ADCY8: variants seen among roughly 807,000 people sequenced by gnomAD.
ADCY8 encodes adenylate cyclase type 8.
In ADCY8, 51 loss-of-function variants were observed where a neutral mutation model predicts 119.7. The ratio of observed to expected loss-of-function variants is 0.43; its 90% CI spans 0.34 to 0.54. The LOEUF is 0.54. Ranked by LOEUF, ADCY8 falls within the 20% of genes least tolerant of loss-of-function variation. The pLI, the probability that ADCY8 is intolerant of heterozygous loss-of-function variation, is 0.03. For missense variants in ADCY8, 1,383 were observed against 1,598.8 expected, an observed-to-expected ratio of 0.87 and a Z score of 2.30; for synonymous variants, 665 against 651.0, an observed-to-expected ratio of 1.02 and a Z score of -0.33.
At chr8:130,852,864 C>T (rs778392337) in intron 9 of ADCY8, among the ~76,000 whole-genome samples, 3 of 152,196 alleles carry the variant, frequency 2.0e-5, no homozygotes, top group South Asian at 2.1e-4. Flanking sequence ...TCCTGCAAGG[C>T]TCAGCTTTCC....
intron 11 of ADCY8, among the ~76,000 whole-genome samples, chr8:130,840,767 T>A (rs1817114826): frequency 6.6e-6 from 1 of 152,138 alleles, no homozygotes; most frequent in Non-Finnish European, 1.5e-5. Context: ...CATATAGTAA[T>A]GGGGTTCTCT....
chr8:130,795,139 G>A (rs910771468), intron 15 of ADCY8, among the ~76,000 whole-genome samples: 2 of 152,202 alleles, frequency 1.3e-5, no homozygotes, highest in Non-Finnish European at 2.9e-5. Context: ...TGGAAGAGGC[G>A]ATGTCCGCAT....
At chr8:130,884,894 A>G in intron 7 of ADCY8, 133 bp from the exon 8 acceptor site, 1 of 908,886 alleles carries the variant, frequency 1.1e-6, no homozygotes, top group Non-Finnish European at 1.8e-6. Flanking sequence ...AGTGAAACCT[A>G]CAGAAGTTGA....
At chr8:130,927,477 T>C (rs560350175) in intron 5 of ADCY8, among the ~76,000 whole-genome samples, 1 of 152,326 alleles carries the variant, frequency 6.6e-6, no homozygotes, top group East Asian at 1.9e-4. Context: ...GAATTTCTTA[T>C]ATATTTTGGA....
intron 11 of ADCY8, 121 bp downstream of exon 11, chr8:130,847,303 G>T: frequency 1.5e-6 from 1 of 651,048 alleles, no homozygotes; most frequent in Non-Finnish European, 2.7e-6. Flanking sequence ...AGAAGAGGCA[G>T]AAGAAGGAAA....
chr8:130,926,136 A>G (rs1820459314), intron 5 of ADCY8, among the ~76,000 whole-genome samples: 1 of 152,216 alleles, frequency 6.6e-6, no homozygotes. Flanking sequence ...TGCTTAACAC[A>G]CACACATGCA....
chr8:130,995,436 A>G (rs554424651), intron 1 of ADCY8, among the ~76,000 whole-genome samples: 1 of 152,316 alleles, frequency 6.6e-6, no homozygotes, highest in Non-Finnish European at 1.5e-5. Context: ...GTATATGTGC[A>G]TGTAGTGTAC....
chr8:130,898,946 CCTTT>C (rs1819501251), intron 7 of ADCY8, among the ~76,000 whole-genome samples: 1 of 152,154 alleles, frequency 6.6e-6, no homozygotes, highest in African/African-American at 2.4e-5. Context: ...CCGCTTTTAC[CCTTT>C]CTATCACTTC....
intron 9 of ADCY8, among the ~76,000 whole-genome samples, chr8:130,861,093 T>C (rs1297797117): frequency 6.6e-6 from 1 of 152,258 alleles, no homozygotes; most frequent in African/African-American, 2.4e-5. Flanking sequence ...TTTAGCATCA[T>C]ACTGTAGCTT....
At chr8:131,004,393 A>G (rs937669278) in intron 1 of ADCY8, among the ~76,000 whole-genome samples, 1 of 152,158 alleles carries the variant, frequency 6.6e-6, no homozygotes, top group Non-Finnish European at 1.5e-5. Flanking sequence ...TTTTTCTGGC[A>G]TGCTCTTTCT....
chr8:130,937,144 T>C lies in ADCY8; in HGVS notation c.1410A>G (p.Gly470=). Residue 470 remains glycine, a synonymous_variant, in exon 5 of 18, where the codon GGA becomes GGG. Coordinates refer to ENST00000286355, the MANE Select transcript of ADCY8 (RefSeq NM_001115.3). ...ILGDCYYCVS[G]LPEPRQDHAH... Reference sequence around the variant, plus strand: ...CATGGTCCTGGCGGGGCTCAGGAAGTCCAGACACGCAGTAGTAGCAGTCCC... The same window carrying C: ...CATGGTCCTGGCGGGGCTCAGGAAGCCCAGACACGCAGTAGTAGCAGTCCC... The C allele has an allele frequency of 1.2e-6, 2 of 1,613,772 alleles. No individual in the cohort carries two copies. The highest frequency in any genetic ancestry group is 1.7e-6 in the Non-Finnish European group (2 of 1,179,844).
chr8:130,976,775 A>T (rs1822084514), intron 2 of ADCY8, among the ~76,000 whole-genome samples: 1 of 152,246 alleles, frequency 6.6e-6, no homozygotes, highest in Non-Finnish European at 1.5e-5. Flanking sequence ...CTTTGCTTGC[A>T]GCATTCTCAG....
intron 7 of ADCY8, among the ~76,000 whole-genome samples, chr8:130,903,014 T>C (rs1488144643): frequency 1.3e-5 from 2 of 152,142 alleles, no homozygotes; most frequent in African/African-American, 4.8e-5. Flanking sequence ...GCAAGCATTC[T>C]GGGAGAACAG....
chr8:130,992,768 C>T (rs1822640145), intron 1 of ADCY8, among the ~76,000 whole-genome samples: 1 of 151,980 alleles, frequency 6.6e-6, no homozygotes, highest in Non-Finnish European at 1.5e-5. Context: ...CGTGTGACAA[C>T]ATTGAAGGGC....
chr8:130,951,865 C>T lies in ADCY8; in HGVS notation c.1241+3G>A, dbSNP rs369516021. On this transcript the variant is annotated splice_donor_region_variant and intron_variant, in intron 3 of 17. Transcript: ENST00000286355. ...GCCGGGGCAAGGGTGTTGTGTTTCT[C>T]ACCTGACGTTCTCATAGCGATGGAT... is the stretch of plus-strand genomic sequence containing the variant. 2.5e-6 allele frequency: 4 copies of T among 1,613,896 alleles called. No homozygotes were observed. Among genetic ancestry groups the T allele is most frequent in the Non-Finnish European group, 3.4e-6 (4 of 1,179,864 alleles).
At chr8:131,017,322 G>A (rs192726632) in intron 1 of ADCY8, among the ~76,000 whole-genome samples, 1 of 152,118 alleles carries the variant, frequency 6.6e-6, no homozygotes, top group East Asian at 1.9e-4. Context: ...CACCCGCCTT[G>A]GTCTCCTAAA....
intron 2 of ADCY8, among the ~76,000 whole-genome samples, chr8:130,986,722 G>T (rs927330324): frequency 6.6e-6 from 1 of 152,200 alleles, no homozygotes; most frequent in Non-Finnish European, 1.5e-5. Context: ...GACATGCAAT[G>T]ATTGAGATCC....
intron 12 of ADCY8, among the ~76,000 whole-genome samples, chr8:130,826,758 G>A (rs899553066): frequency 2.0e-5 from 3 of 152,054 alleles, no homozygotes; most frequent in African/African-American, 4.8e-5. Flanking sequence ...TGAATAAAGC[G>A]GTGGGTATTT....
chr8:131,027,308 T>C (rs1377398943), intron 1 of ADCY8, among the ~76,000 whole-genome samples: 1 of 152,124 alleles, frequency 6.6e-6, no homozygotes, highest in Non-Finnish European at 1.5e-5. Context: ...CACTTGAATA[T>C]TGCCAGGCAA....
Sources: allele counts gnomAD v4.1 joint callset (sites outside exome capture counted in the v4.1 genomes callset), GRCh38; gene constraint gnomAD v4.1.1; transcripts MANE v1.5; gene names NCBI Gene and HGNC (gene_info 2026-07-23, HGNC 2026-07-21).